Variants in FAM13A observed in about 807,000 individuals in gnomAD.
The protein encoded by FAM13A is protein FAM13A.
In FAM13A, 76 loss-of-function variants were observed where a neutral mutation model predicts 129.6. The observed-to-expected ratio is 0.59, with a 90% CI of 0.49 to 0.71. The LOEUF is 0.71. Ranked by LOEUF, FAM13A falls within the 30% of genes least tolerant of loss-of-function variation. The probability of loss-of-function intolerance (pLI) is 0.00; values close to 1 mark genes in which losing one functional copy is unlikely to be tolerated. For synonymous variants in FAM13A, 443 were observed against 449.9 expected, an observed-to-expected ratio of 0.98 and a Z score of 0.20; for missense variants, 1,108 against 1,249.3, an observed-to-expected ratio of 0.89 and a Z score of 1.70.
At chr4:88,782,094 TAAA>T (rs1723067059) in intron 10 of FAM13A, among the ~76,000 whole-genome samples, 1 of 152,066 alleles carries the variant, frequency 6.6e-6, no homozygotes. Flanking sequence ...TATAAGTTAA[TAAA>T]AACTATGGAA....
chr4:88,786,128 T>G (rs1723914548), intron 10 of FAM13A, among the ~76,000 whole-genome samples: 1 of 152,112 alleles, frequency 6.6e-6, no homozygotes, highest in Non-Finnish European at 1.5e-5. Context: ...GAGGCTGTGT[T>G]TCACATTTCC....
At chr4:88,751,819 G>A (rs1742688520) in intron 14 of FAM13A, among the ~76,000 whole-genome samples, 1 of 152,136 alleles carries the variant, frequency 6.6e-6, no homozygotes, top group Non-Finnish European at 1.5e-5. Context: ...AATGAGTTAT[G>A]CTTGAAATTT....
chr4:88,913,144 GGAA>G (rs755964133), intron 5 of FAM13A, among the ~76,000 whole-genome samples: 6 of 137,098 alleles, frequency 4.4e-5, no homozygotes, highest in Admixed American at 1.5e-4. Flanking sequence ...AAGAGGAAGA[GGAA>G]GAAGAGGAGG....
chr4:88,883,594 C>A (rs1743946811), intron 6 of FAM13A, among the ~76,000 whole-genome samples: 2 of 151,952 alleles, frequency 1.3e-5, no homozygotes, highest in Non-Finnish European at 2.9e-5. Context: ...TAAGGTCACA[C>A]CTCAAGGAAC....
At chr4:88,734,467 T>C (rs539684778) in intron 21 of FAM13A, among the ~76,000 whole-genome samples, 1 of 152,238 alleles carries the variant, frequency 6.6e-6, no homozygotes, top group African/African-American at 2.4e-5. Context: ...ACAGCTGAAA[T>C]AGAAGTATGA....
chr4:88,737,360 G>C, intron 21 of FAM13A, 112 bp downstream of exon 21: 1 of 855,522 alleles, frequency 1.2e-6, no homozygotes. Context: ...AATGCTGTAA[G>C]AAGCCACCAC....
At chr4:88,836,666 T>G (rs1346363310) in intron 7 of FAM13A, among the ~76,000 whole-genome samples, 1 of 152,204 alleles carries the variant, frequency 6.6e-6, no homozygotes, top group East Asian at 1.9e-4. Flanking sequence ...TGTAGTTATA[T>G]TTAATAAATG....
At chr4:88,854,976 A>G (rs1157430856) in intron 6 of FAM13A, among the ~76,000 whole-genome samples, 1 of 152,204 alleles carries the variant, frequency 6.6e-6, no homozygotes, top group Non-Finnish European at 1.5e-5. Context: ...TTTAATTCTC[A>G]AAACCACCCA....
intron 7 of FAM13A, among the ~76,000 whole-genome samples, chr4:88,827,459 G>C (rs1291201657): frequency 6.6e-6 from 1 of 152,110 alleles, no homozygotes; most frequent in East Asian, 1.9e-4. Context: ...AATAAATGAG[G>C]CCATGCATGT....
chr4:88,995,187 T>C, intron 3 of FAM13A, among the ~76,000 whole-genome samples: 1 of 148,184 alleles, frequency 6.7e-6, no homozygotes, highest in Non-Finnish European at 1.5e-5. Context: ...GTTGCACAAA[T>C]ATACAAACAG....
intron 4 of FAM13A, among the ~76,000 whole-genome samples, chr4:88,961,146 A>G (rs1272717182): frequency 6.6e-6 from 1 of 152,130 alleles, no homozygotes; most frequent in South Asian, 2.1e-4. Flanking sequence ...AAAAGCCATA[A>G]AAGTTTTGAA....
intron 21 of FAM13A, among the ~76,000 whole-genome samples, chr4:88,732,860 GTA>G (rs1177952290): frequency 6.6e-6 from 1 of 150,996 alleles, no homozygotes; most frequent in Non-Finnish European, 1.5e-5. Flanking sequence ...TCTAAGAAAA[GTA>G]TGATATTCTC....
intron 6 of FAM13A, among the ~76,000 whole-genome samples, chr4:88,900,874 C>T (rs1474951224): frequency 6.6e-6 from 1 of 152,050 alleles, no homozygotes; most frequent in East Asian, 1.9e-4. Flanking sequence ...AGTCAAGACC[C>T]ATCAGTATGC....
chr4:88,937,450 G>A (rs1364959016), intron 5 of FAM13A: 1 of 152,156 alleles, frequency 6.6e-6, no homozygotes, highest in Non-Finnish European at 1.5e-5. Context: ...TAGGGGATTT[G>A]TTTGGATGTT....
At chr4:88,980,986 T>C (rs1466778125) in intron 4 of FAM13A, among the ~76,000 whole-genome samples, 1 of 152,186 alleles carries the variant, frequency 6.6e-6, no homozygotes, top group Non-Finnish European at 1.5e-5. Context: ...TAAGAAAAAA[T>C]GTAACATCTT....
At chr4:88,792,002 C>A (rs140267129) in intron 8 of FAM13A, among the ~76,000 whole-genome samples, 1 of 152,042 alleles carries the variant, frequency 6.6e-6, no homozygotes, top group Non-Finnish European at 1.5e-5. Context: ...TGGCCACAGA[C>A]AAACCCAGAA....
At chr4:88,874,493 A>G (rs9990710) in intron 6 of FAM13A, among the ~76,000 whole-genome samples, 41,380 of 150,142 alleles carry the variant, frequency 0.28, 5,991 homozygotes, top group East Asian at 0.38. Context: ...CTATATACCA[A>G]TAACAGGCAA....
At chr4:88,909,483 G>A (rs1293992787) in intron 5 of FAM13A, among the ~76,000 whole-genome samples, 1 of 151,706 alleles carries the variant, frequency 6.6e-6, no homozygotes, top group Non-Finnish European at 1.5e-5. Context: ...TGATGTACAT[G>A]AGGTTTTTTA....
chr4:88,788,055 A>G (rs1214003191), intron 9 of FAM13A, 123 bp from the exon 10 acceptor site: 3 of 673,876 alleles, frequency 4.5e-6, no homozygotes. Context: ...GAACTTCATA[A>G]GCAAAGAGAG....
Sources: gnomAD v4.1 joint callset for allele counts (sites outside exome capture counted in the v4.1 genomes callset) on GRCh38, gnomAD v4.1.1 for gene constraint, MANE v1.5 for transcripts, NCBI Gene and HGNC (gene_info 2026-07-23, HGNC 2026-07-21) for gene names.